PRDM16: variants seen among roughly 807,000 people sequenced by gnomAD.
PRDM16 encodes PR/SET domain 16.
A neutral mutation model predicts 110.6 loss-of-function variants in PRDM16; 23 were observed. That is an observed-to-expected ratio of 0.21 (90% CI 0.15 to 0.29). PRDM16 has a LOEUF of 0.29. Among genes scored for constraint, PRDM16 ranks in the 10% least tolerant of loss-of-function variants. The pLI is 1.00. For synonymous variants in PRDM16, 799 were observed against 781.8 expected (o/e 1.02, Z -0.37); for missense variants, 1,615 against 1,794.3 (o/e 0.90, Z 1.81).
chr1:3,162,350 C>G (rs762416808), intron 1 of PRDM16, among the ~76,000 whole-genome samples: 2 of 152,314 alleles, frequency 1.3e-5, no homozygotes, highest in Non-Finnish European at 2.9e-5. Context: ...TCCCTCCTCC[C>G]GCAGCCGCGA....
intron 1 of PRDM16, among the ~76,000 whole-genome samples, chr1:3,100,594 G>A (rs72630937): frequency 0.054 from 8,262 of 152,248 alleles, 304 homozygotes; most frequent in East Asian, 0.076. Context: ...ACGGCCCATG[G>A]TCCTCCCAAG....
intron 1 of PRDM16, among the ~76,000 whole-genome samples, chr1:3,077,692 T>TCCTCAG (rs1641931009): frequency 6.6e-6 from 1 of 152,144 alleles, no homozygotes; most frequent in Non-Finnish European, 1.5e-5. Context: ...GATTGGTCAG[T>TCCTCAG]CCTCAGCCTC....
At chr1:3,217,409 G>T (rs1399505014) in intron 2 of PRDM16, among the ~76,000 whole-genome samples, 1 of 152,246 alleles carries the variant, frequency 6.6e-6, no homozygotes, top group African/African-American at 2.4e-5. Flanking sequence ...TGGGAGCAGG[G>T]ATCTCATGGG....
intron 3 of PRDM16, among the ~76,000 whole-genome samples, chr1:3,278,564 G>C (rs532987098): frequency 1.2e-4 from 18 of 152,218 alleles, no homozygotes; most frequent in Non-Finnish European, 2.6e-4. Flanking sequence ...CCTGTGCTGG[G>C]CATGAAACAG....
intron 3 of PRDM16, among the ~76,000 whole-genome samples, chr1:3,372,429 A>G (rs1172741790): frequency 6.6e-6 from 1 of 152,168 alleles, no homozygotes; most frequent in Non-Finnish European, 1.5e-5. Context: ...GTCACCATCT[A>G]AGTGGCCAGA....
At chr1:3,296,409 G>A (rs551262818) in intron 3 of PRDM16, among the ~76,000 whole-genome samples, 15 of 152,250 alleles carry the variant, frequency 9.9e-5, no homozygotes, top group South Asian at 2.1e-4. Flanking sequence ...CACTCTGTGC[G>A]GAACTGGGGC....
Position 3,245,987 on chromosome 1 carries a change from G to A in PRDM16, c.438+1850G>A, listed in dbSNP as rs1212528987. 6.6e-6 allele frequency among the ~76,000 whole-genome samples: 1 copy of A among 152,146 alleles called. No homozygotes were observed. The highest frequency in any genetic ancestry group is 1.5e-5 in the Non-Finnish European group (1 of 68,038). ...AGGTGGCCTGGCAGGAGGTTAGAAG[G>A]GGATCAGTTTATGCTGGGAGGGGTT... On this transcript the variant is annotated intron_variant, in intron 3 of 16. Transcript: ENST00000270722. This position sits in a 1 kb window ranked among gnomAD's most constrained non-coding sequence, Gnocchi z 4.7.
chr1:3,079,376 G>A (rs1453134365), intron 1 of PRDM16, among the ~76,000 whole-genome samples: 1 of 145,460 alleles, frequency 6.9e-6, no homozygotes, highest in Non-Finnish European at 1.5e-5. Context: ...TGCCCTGCTG[G>A]CCCAGCCCCT....
Position 3,072,888 on chromosome 1 carries a change from C to T in PRDM16, c.37+3592C>T, listed in dbSNP as rs893438703. Among the ~76,000 whole-genome samples the T allele has an allele frequency of 5.3e-5, 8 of 152,268 alleles. 1 individual carries two copies. The highest frequency in any genetic ancestry group is 1.0e-4 in the Non-Finnish European group (7 of 68,046). ...CTGTGTGTCACCCACAGGCCCCCTC[C>T]CTCAGCCCCTGGCTGCGCAGGTGTG... is the stretch of plus-strand genomic sequence containing the variant. On this transcript the variant is annotated intron_variant, in intron 1 of 16. Transcript: ENST00000270722.
Position 3,085,619 on chromosome 1 carries a change from C to T in PRDM16, c.37+16323C>T, listed in dbSNP as rs535089182. On this transcript the variant is annotated intron_variant, in intron 1 of 16. Transcript: ENST00000270722. ...CCATCTGCTGAGTGGGGTAATCCAT[C>T]CTCGTGGGGCTGTGGTGTCATCAAG... Among the ~76,000 whole-genome samples the T allele has an allele frequency of 2.8e-3, 431 of 152,358 alleles. 1 individual carries two copies. The highest frequency in any genetic ancestry group is 4.5e-3 in the Non-Finnish European group (306 of 68,034).
At position 3,085,620 on chromosome 1, in the gene PRDM16, C is replaced by T. The variant is rs147432402; in HGVS notation, c.37+16324C>T. On this transcript the variant is annotated intron_variant, in intron 1 of 16. Transcript: ENST00000270722. ...CATCTGCTGAGTGGGGTAATCCATC[C>T]TCGTGGGGCTGTGGTGTCATCAAGA... Among the ~76,000 whole-genome samples the T allele has an allele frequency of 1.4e-3, 216 of 152,346 alleles. 1 individual carries two copies. The highest frequency in any genetic ancestry group is 5.1e-3 in the African/African-American group (213 of 41,586).
chr1:3,333,518 C>T (rs1642084428), intron 3 of PRDM16, among the ~76,000 whole-genome samples: 1 of 152,194 alleles, frequency 6.6e-6, no homozygotes, highest in African/African-American at 2.4e-5. Flanking sequence ...AGACCTAGAG[C>T]AGCACGGTGA....
At chr1:3,195,033 G>A (rs528662700) in intron 2 of PRDM16, among the ~76,000 whole-genome samples, 11 of 152,350 alleles carry the variant, frequency 7.2e-5, no homozygotes, top group South Asian at 6.2e-4. Context: ...AACCGTGAGC[G>A]CACCGGCCAG....
At chr1:3,282,942 G>C (rs1052038755) in intron 3 of PRDM16, among the ~76,000 whole-genome samples, 1 of 152,242 alleles carries the variant, frequency 6.6e-6, no homozygotes, top group Admixed American at 6.5e-5. Context: ...GTTAGAGGAG[G>C]GGCGTCTCCC....
intron 1 of PRDM16, among the ~76,000 whole-genome samples, chr1:3,092,210 A>G (rs925695910): frequency 2.0e-5 from 3 of 152,128 alleles, no homozygotes; most frequent in African/African-American, 4.8e-5. Flanking sequence ...GTGACGTGGT[A>G]TGGCTCTGCA....
Position 3,425,558 on chromosome 1 carries a change from A to G in PRDM16, c.2940-23A>G. On this transcript the variant is annotated intron_variant, in intron 12 of 16. Transcript: ENST00000270722. This position sits in a 1 kb window ranked among gnomAD's most constrained non-coding sequence, Gnocchi z 6.9. ...CCATGCAGAGCCGGGGCCTGCACTG[A>G]GGAGCGCGTGTGCCCCTTCCAGGTG... The G allele has an allele frequency of 6.2e-7, 1 of 1,611,592 alleles. No individual in the cohort carries two copies. The highest frequency in any genetic ancestry group is 8.5e-7 in the Non-Finnish European group (1 of 1,178,766).
At chr1:3,391,625 C>A (rs1015511930) in intron 4 of PRDM16, among the ~76,000 whole-genome samples, 42 of 152,210 alleles carry the variant, frequency 2.8e-4, no homozygotes, top group Non-Finnish European at 4.4e-5. Flanking sequence ...ATATCGCACA[C>A]CACACAATAA....
At chr1:3,373,427 G>T (rs894525946) in intron 3 of PRDM16, among the ~76,000 whole-genome samples, 2 of 152,218 alleles carry the variant, frequency 1.3e-5, no homozygotes, top group Admixed American at 6.5e-5. Flanking sequence ...GAGCCAGGGG[G>T]TTCGGGGGGA....
intron 15 of PRDM16, 39 bp from the exon 16 acceptor site, chr1:3,431,927 C>T: frequency 6.3e-7 from 1 of 1,593,748 alleles, no homozygotes; most frequent in Non-Finnish European, 8.6e-7. Context: ...GGCCAGGCTG[C>T]TGACAGCAGG....
Sources: gnomAD v4.1 joint callset for allele counts (sites outside exome capture counted in the v4.1 genomes callset) on GRCh38, gnomAD v4.1.1 for gene constraint, Gnocchi (gnomAD v3.1) non-coding constraint, MANE v1.5 for transcripts, NCBI Gene and HGNC (gene_info 2026-07-23, HGNC 2026-07-21) for gene names.